RXRA: variants seen among roughly 807,000 people sequenced by gnomAD.
RXRA encodes retinoic acid receptor RXR-alpha.
In RXRA, 5 loss-of-function variants were observed where a neutral mutation model predicts 44.5. The ratio of observed to expected loss-of-function variants is 0.11; its 90% CI spans 0.06 to 0.24. RXRA has a LOEUF of 0.24. Among genes scored for constraint, RXRA ranks in the 10% least tolerant of loss-of-function variants. RXRA has a pLI of 1.00. For synonymous variants in RXRA, 291 were observed against 271.4 expected (o/e 1.07, Z -0.71); for missense variants, 412 against 646.5 (o/e 0.64, Z 3.93).
chr9:134,371,268 G>A (rs1830488058), intron 1 of RXRA, among the ~76,000 whole-genome samples: 1 of 152,154 alleles, frequency 6.6e-6, no homozygotes, highest in African/African-American at 2.4e-5. Flanking sequence ...AAAGTCCCTT[G>A]ACCCCCCCAG....
chr9:134,387,888 G>A (rs980853020), intron 1 of RXRA, among the ~76,000 whole-genome samples: 1 of 152,186 alleles, frequency 6.6e-6, no homozygotes, highest in Non-Finnish European at 1.5e-5. Flanking sequence ...CTGACTCTGT[G>A]AGCCCAAGGT....
chr9:134,375,724 G>T (rs2119090225), intron 1 of RXRA, among the ~76,000 whole-genome samples: 1 of 152,200 alleles, frequency 6.6e-6, no homozygotes, highest in East Asian at 1.9e-4. Flanking sequence ...AAGCCTGAGG[G>T]CTGGGGTGAG....
intron 6 of RXRA, chr9:134,422,098 C>G: frequency 7.4e-7 from 1 of 1,354,358 alleles, no homozygotes; most frequent in South Asian, 1.2e-5. Context: ...ACTCCCGACT[C>G]CTGGGACACA....
Position 134,427,170 on chromosome 9 carries a change from C to CG in RXRA, c.911-1938_911-1937insG, listed in dbSNP as rs1804468311. 3 of 816,618 alleles carry CG rather than the reference C, an allele frequency of 3.7e-6. No individual in the cohort carries two copies. The African/African-American group carries it at 6.4e-5, about 17-fold the overall frequency. The allele number at this position is 816,618 out of a possible 1,614,324, so 50.6% of individuals were successfully genotyped here. ...CTACAGATGTTTCATTGGGCAAAAA[C>CG]AAAAAAAAAAAAAAGAGGGTTCTGT... On this transcript the variant is annotated intron_variant, in intron 6 of 9. Coordinates refer to ENST00000481739, the MANE Select transcript of RXRA (RefSeq NM_002957.6).
At chr9:134,373,022 G>T (rs1160385778) in intron 1 of RXRA, among the ~76,000 whole-genome samples, 1 of 152,230 alleles carries the variant, frequency 6.6e-6, no homozygotes, top group Admixed American at 6.5e-5. Flanking sequence ...GCCTGGCCTG[G>T]GCTGTGGCGT....
chr9:134,359,307 G>C (rs184126689), intron 1 of RXRA, among the ~76,000 whole-genome samples: 2 of 152,052 alleles, frequency 1.3e-5, no homozygotes, highest in Non-Finnish European at 2.9e-5. Flanking sequence ...TGCCGCCGGC[G>C]GCTCTGAAGT....
rs901303404 is a variant in RXRA, at chr9:134,407,813, G to A, written c.280-336G>A. The stretch of plus-strand genomic sequence containing the variant: ...GGCACTGCCAGGGGCTCAGTAATGA[G>A]AGGCAGCTCTCATTTAGGTGGGCAG... On this transcript the variant is annotated intron_variant, in intron 2 of 9. Coordinates refer to ENST00000481739, the MANE Select transcript of RXRA (RefSeq NM_002957.6). The surrounding 1 kb of genome is among the most constrained non-coding windows in gnomAD (Gnocchi z 4.8). 1.3e-5 allele frequency among the ~76,000 whole-genome samples: 2 copies of A among 152,122 alleles called. No homozygotes were observed. Among genetic ancestry groups the A allele is most frequent in the African/African-American group, 4.8e-5 (2 of 41,432 alleles).
Position 134,421,793 on chromosome 9 carries a change from C to T in RXRA, c.898C>T (p.Leu300=). The change falls in exon 6 of 10, where the codon CTG becomes TTG. Residue 300 remains leucine, a synonymous_variant. Coordinates refer to ENST00000481739, the MANE Select transcript of RXRA (RefSeq NM_002957.6). The part of the protein sequence containing the change: ...SELPLDDQVI[L]LRAGWNELLI... ...GCTGCCCCTGGACGACCAGGTCATC[C>T]TGCTGCGGGCAGGTGAGTGGCGAGG... The T allele has an allele frequency of 1.2e-6, 2 of 1,612,802 alleles. No homozygotes were observed. The highest frequency in any genetic ancestry group is 1.3e-5 in the African/African-American group (1 of 75,014).
chr9:134,340,674 A>G (rs1830075616), intron 1 of RXRA, among the ~76,000 whole-genome samples: 1 of 152,166 alleles, frequency 6.6e-6, no homozygotes, highest in African/African-American at 2.4e-5. Context: ...TTCTTGAGCA[A>G]TGCCAGCAGT....
At position 134,429,248 on chromosome 9, in the gene RXRA, TGGTCCC is replaced by T. The variant is rs1267197415; in HGVS notation, c.1043+11_1043+16del. ...GGGCGCCATCTTTGACAGGTGGGGG[TGGTCCC>T]GGGAGGGGCGAGGGCGCTTCGGTCA... On this transcript the variant is annotated intron_variant, in intron 7 of 9. Transcript: ENST00000481739. 6.2e-7 allele frequency: 1 copy of T among 1,610,230 alleles called. No individual in the cohort carries two copies. The highest frequency in any genetic ancestry group is 2.2e-5 in the East Asian group (1 of 44,824).
chr9:134,392,361 C>T (rs1011068962), intron 1 of RXRA, among the ~76,000 whole-genome samples: 3 of 151,446 alleles, frequency 2.0e-5, no homozygotes, highest in African/African-American at 4.8e-5. Flanking sequence ...GTCAGCTTAC[C>T]GAGTGTCTCC....
At chr9:134,410,499 A>G (rs748295373) in intron 4 of RXRA, among the ~76,000 whole-genome samples, 2 of 152,048 alleles carry the variant, frequency 1.3e-5, no homozygotes, top group African/African-American at 4.8e-5. Flanking sequence ...AGAGGTGTGT[A>G]CCCAGCCTGG....
chr9:134,371,271 C>T (rs965075613), intron 1 of RXRA, among the ~76,000 whole-genome samples: 3 of 152,280 alleles, frequency 2.0e-5, no homozygotes, highest in South Asian at 2.1e-4. Context: ...GTCCCTTGAC[C>T]CCCCCAGGCC....
At chr9:134,340,532 A>T (rs1830073602) in intron 1 of RXRA, among the ~76,000 whole-genome samples, 1 of 152,120 alleles carries the variant, frequency 6.6e-6, no homozygotes, top group Non-Finnish European at 1.5e-5. Context: ...GCACCGGCTC[A>T]CTGCCTGCCC....
intron 1 of RXRA, among the ~76,000 whole-genome samples, chr9:134,401,209 A>G (rs550414047): frequency 1.3e-5 from 2 of 152,180 alleles, no homozygotes; most frequent in Admixed American, 6.5e-5. Flanking sequence ...TCTGCCTTTC[A>G]TGATTATTCC....
At position 134,381,860 on chromosome 9, in the gene RXRA, C is replaced by G. The variant is rs1830651546; in HGVS notation, c.29-19772C>G. ...TCCGTCGTGAAGTGGCCACAAGGTG[C>G]CTTTGGTGTGTGGGGCCCACAGGAT... On this transcript the variant is annotated intron_variant, in intron 1 of 9. Transcript: ENST00000481739. 2.0e-5 allele frequency among the ~76,000 whole-genome samples: 3 copies of G among 152,096 alleles called. No homozygotes were observed. In the South Asian group the frequency reaches 6.2e-4, roughly 31 times the overall value.
At chr9:134,388,635 C>T (rs1830756174) in intron 1 of RXRA, among the ~76,000 whole-genome samples, 2 of 152,192 alleles carry the variant, frequency 1.3e-5, no homozygotes, top group East Asian at 1.9e-4. Context: ...GGAGCCTCTC[C>T]TGTGAGTCAG....
rs562696635 is a variant in RXRA at position 134,331,972 on chromosome 9, G to C, written c.28+5313G>C. ...TGCTGGTCTTGGCCCGAGTGAGTGA[G>C]GTTTTTGTTCAGTGGGGACCCTGGT... is the stretch of plus-strand genomic sequence containing the variant. On this transcript the variant is annotated intron_variant, in intron 1 of 9. Coordinates refer to ENST00000481739, the MANE Select transcript of RXRA (RefSeq NM_002957.6). 1.2e-3 allele frequency among the ~76,000 whole-genome samples: 190 copies of C among 152,364 alleles called. 2 individuals are homozygous for C. The highest frequency in any genetic ancestry group is 4.1e-3 in the African/African-American group (171 of 41,582).
chr9:134,424,087 G>A (rs975681656), intron 6 of RXRA: 24 of 985,390 alleles, frequency 2.4e-5, no homozygotes, highest in East Asian at 2.3e-4. Context: ...TGGGGTGTTC[G>A]TGGTGGAGTG....
Sources: allele counts gnomAD v4.1 joint callset (sites outside exome capture counted in the v4.1 genomes callset), GRCh38; gene constraint gnomAD v4.1.1; non-coding constraint Gnocchi (gnomAD v3.1); transcripts MANE v1.5; gene names NCBI Gene and HGNC (gene_info 2026-07-23, HGNC 2026-07-21).